Variants in ENPP6 observed in about 807,000 individuals in gnomAD.
ENPP6 encodes the protein glycerophosphocholine cholinephosphodiesterase ENPP6.
Under a neutral mutation model 42.0 loss-of-function variants are expected in ENPP6, and 32 were observed. That is an observed-to-expected ratio of 0.76 (90% confidence interval 0.58 to 1.02). The LOEUF is 1.02. ENPP6 is among the 50% of genes least tolerant of loss of function. ENPP6 has a pLI of 0.00. For missense variants in ENPP6, 552 were observed against 566.8 expected (o/e 0.97, Z 0.27); for synonymous variants, 213 against 216.0 (o/e 0.99, Z 0.12).
chr4:184,215,868 C>T (rs1015651956), intron 1 of ENPP6, among the ~76,000 whole-genome samples: 21 of 152,214 alleles, frequency 1.4e-4, no homozygotes, highest in African/African-American at 4.6e-4. Flanking sequence ...CACCCACAGC[C>T]GGAAAAGAAG....
At chr4:184,163,444 C>T (rs959767988) in intron 1 of ENPP6, among the ~76,000 whole-genome samples, 2 of 152,174 alleles carry the variant, frequency 1.3e-5, no homozygotes, top group African/African-American at 4.8e-5. Flanking sequence ...TCTCATATCA[C>T]ACTCTTCACA....
At chr4:184,136,113 C>T (rs912865559) in intron 2 of ENPP6, among the ~76,000 whole-genome samples, 3 of 151,844 alleles carry the variant, frequency 2.0e-5, no homozygotes, top group African/African-American at 7.2e-5. Context: ...TATTAGTTTG[C>T]TATTTGTATA....
intron 1 of ENPP6, among the ~76,000 whole-genome samples, chr4:184,199,443 T>C (rs984838537): frequency 1.3e-5 from 2 of 152,232 alleles, no homozygotes; most frequent in Admixed American, 6.5e-5. Context: ...CGGTGGCTGC[T>C]TTCAACCTTT....
At chr4:184,133,666 G>A (rs1331915067) in intron 2 of ENPP6, among the ~76,000 whole-genome samples, 1 of 149,296 alleles carries the variant, frequency 6.7e-6, no homozygotes. Context: ...AGTCCTGAAC[G>A]CATTTCTCCA....
intron 6 of ENPP6, among the ~76,000 whole-genome samples, chr4:184,111,560 A>C (rs1464108891): frequency 6.6e-6 from 1 of 152,244 alleles, no homozygotes; most frequent in African/African-American, 2.4e-5. Flanking sequence ...TAGGGAACAG[A>C]GGGACCCTCA....
At chr4:184,206,983 CG>C (rs942439385) in intron 1 of ENPP6, among the ~76,000 whole-genome samples, 2 of 152,206 alleles carry the variant, frequency 1.3e-5, no homozygotes, top group African/African-American at 4.8e-5. Flanking sequence ...TGTGTGAGAA[CG>C]GGACCTCTGA....
chr4:184,102,690 G>A (rs1456245572), intron 6 of ENPP6, among the ~76,000 whole-genome samples: 11 of 152,174 alleles, frequency 7.2e-5, no homozygotes, highest in African/African-American at 2.7e-4. Context: ...CTTGCCTGGT[G>A]CCTCCTGCTC....
chr4:184,150,350 C>G (rs1339456146), intron 2 of ENPP6, among the ~76,000 whole-genome samples: 1 of 152,098 alleles, frequency 6.6e-6, no homozygotes, highest in Admixed American at 6.6e-5. Context: ...AATGGCGAAA[C>G]TCAGCGTGTC....
At chr4:184,202,960 C>T (rs1359467789) in intron 1 of ENPP6, among the ~76,000 whole-genome samples, 1 of 152,182 alleles carries the variant, frequency 6.6e-6, no homozygotes, top group Admixed American at 6.5e-5. Context: ...AATATTAACA[C>T]TCACTGGACA....
chr4:184,190,743 A>C (rs1348731948), intron 1 of ENPP6, among the ~76,000 whole-genome samples: 1 of 151,990 alleles, frequency 6.6e-6, no homozygotes, highest in Non-Finnish European at 1.5e-5. Context: ...CCCATAACCA[A>C]GTATAATCAG....
chr4:184,131,260 C>CTTTCT (rs1460607176), intron 2 of ENPP6, among the ~76,000 whole-genome samples: 376 of 7,490 alleles, frequency 0.05, 23 homozygotes, highest in African/African-American at 0.15. Flanking sequence ...TTCTCTTTCT[C>CTTTCT]TTCCTTCCTT....
intron 1 of ENPP6, among the ~76,000 whole-genome samples, chr4:184,203,082 A>G (rs1316204864): frequency 2.3e-5 from 2 of 88,058 alleles, no homozygotes; most frequent in Admixed American, 2.7e-4. Flanking sequence ...CATCTCTACT[A>G]AAAATACAAA....
intron 6 of ENPP6, among the ~76,000 whole-genome samples, chr4:184,100,461 G>A (rs2111331456): frequency 6.6e-6 from 1 of 152,296 alleles, no homozygotes; most frequent in East Asian, 1.9e-4. Context: ...GGGGCCCAGG[G>A]ACTGCCACAC....
intron 1 of ENPP6, among the ~76,000 whole-genome samples, chr4:184,213,244 C>G (rs1289158645): frequency 6.6e-6 from 1 of 151,968 alleles, no homozygotes; most frequent in Non-Finnish European, 1.5e-5. Flanking sequence ...CAAATGGGAT[C>G]TAATTAAACT....
At chr4:184,101,609 C>T (rs1488469623) in intron 6 of ENPP6, among the ~76,000 whole-genome samples, 1 of 152,086 alleles carries the variant, frequency 6.6e-6, no homozygotes, top group African/African-American at 2.4e-5. Context: ...AACAGGGTGA[C>T]CAACTCTCCT....
intron 1 of ENPP6, among the ~76,000 whole-genome samples, chr4:184,175,158 G>A (rs1357071660): frequency 1.3e-5 from 2 of 151,836 alleles, no homozygotes; most frequent in Admixed American, 1.3e-4. Context: ...TCACCTCCAG[G>A]TCCATCTCCT....
At chr4:184,138,064 T>C (rs1325137119) in intron 2 of ENPP6, among the ~76,000 whole-genome samples, 1 of 152,260 alleles carries the variant, frequency 6.6e-6, no homozygotes, top group Non-Finnish European at 1.5e-5. Context: ...ACATAAAAGG[T>C]TACAATTTTA....
At chr4:184,130,411 A>T (rs1736578754) in intron 2 of ENPP6, among the ~76,000 whole-genome samples, 1 of 129,768 alleles carries the variant, frequency 7.7e-6, no homozygotes, top group African/African-American at 2.9e-5. Context: ...ACAAAAAATT[A>T]GCCGGGCGTG....
chr4:184,198,963 A>G (rs1295531010), intron 1 of ENPP6, among the ~76,000 whole-genome samples: 1 of 152,170 alleles, frequency 6.6e-6, no homozygotes, highest in East Asian at 1.9e-4. Flanking sequence ...TGGGGCCCTG[A>G]TGACCTGAAT....
Sources: gnomAD v4.1 joint callset for allele counts (sites outside exome capture counted in the v4.1 genomes callset) on GRCh38, gnomAD v4.1.1 for gene constraint, MANE v1.5 for transcripts, NCBI Gene and HGNC (gene_info 2026-07-23, HGNC 2026-07-21) for gene names.